The following PDZD2 variants were observed in gnomAD, a reference collection of about 807,000 sequenced individuals.
PDZD2 encodes PDZ domain-containing protein 2.
PDZD2 carries 90 observed loss-of-function variants against 220.7 expected under a neutral mutation model. The ratio of observed to expected loss-of-function variants is 0.41; its 90% CI spans 0.34 to 0.49. PDZD2 has a LOEUF of 0.49. Among genes scored for constraint, PDZD2 ranks in the 20% least tolerant of loss-of-function variants. The pLI is 0.28. For synonymous variants in PDZD2, 1,375 were observed against 1,450.5 expected, an observed-to-expected ratio of 0.95 and a Z score of 1.18; for missense variants, 3,174 against 3,608.5, an observed-to-expected ratio of 0.88 and a Z score of 3.08.
In PDZD2 at chr5:32,073,925, C is replaced by T; in HGVS notation, c.2819C>T (p.Ala940Val). 6.2e-7 allele frequency: 1 copy of T among 1,614,032 alleles called. No homozygotes were observed. Among genetic ancestry groups the T allele is most frequent in the Non-Finnish European group, 8.5e-7 (1 of 1,179,914 alleles). ...CTCTTCCACAAGCAGGTGACAGTTG[C>T]CAGACAAGCCAGTCTCCCCGGAAGC... ...SGLFHKQVTV[A>V]RQASLPGSPQ... Residue 940 changes from alanine (A) to valine (V), a missense_variant, in exon 18 of 25, where the codon GCC becomes GTC. Transcript: ENST00000438447.
chr5:31,961,088 T>C (rs1159110073), intron 2 of PDZD2, among the ~76,000 whole-genome samples: 1 of 152,234 alleles, frequency 6.6e-6, no homozygotes, highest in Non-Finnish European at 1.5e-5. Context: ...GGTCTGCTAT[T>C]GACTGCCTTA....
At chr5:31,779,735 G>C (rs1434043656) in intron 1 of PDZD2, among the ~76,000 whole-genome samples, 1 of 152,144 alleles carries the variant, frequency 6.6e-6, no homozygotes, top group Non-Finnish European at 1.5e-5. Context: ...TTAGCAATTT[G>C]TGGTAATGCC....
chr5:31,757,611 T>C (rs1426061084), intron 1 of PDZD2, among the ~76,000 whole-genome samples: 1 of 151,068 alleles, frequency 6.6e-6, no homozygotes, highest in Non-Finnish European at 1.5e-5. Context: ...AAAAAGAATA[T>C]GTGAATGGAA....
At chr5:31,869,192 C>T (rs547891501) in intron 2 of PDZD2, among the ~76,000 whole-genome samples, 1 of 152,288 alleles carries the variant, frequency 6.6e-6, no homozygotes, top group African/African-American at 2.4e-5. Context: ...AGGACAAATC[C>T]ATTTACTTCT....
chr5:31,693,931 CT>C (rs1407005888), intron 1 of PDZD2, among the ~76,000 whole-genome samples: 1 of 152,122 alleles, frequency 6.6e-6, no homozygotes, highest in Non-Finnish European at 1.5e-5. Flanking sequence ...GCTTCCCAGG[CT>C]GAGGAGGAGC....
intron 19 of PDZD2, among the ~76,000 whole-genome samples, chr5:32,082,380 A>C (rs1272454670): frequency 6.6e-6 from 1 of 152,100 alleles, no homozygotes; most frequent in African/African-American, 2.4e-5. Context: ...CAAAGAAGGA[A>C]TACCTTATCA....
chr5:31,657,205 T>G (rs1198882958), intron 1 of PDZD2: 1 of 152,286 alleles, frequency 6.6e-6, no homozygotes, highest in East Asian at 1.9e-4. Context: ...GCTGTTGATG[T>G]AGCCTATCTG....
chr5:31,858,113 A>G (rs1297425809), intron 2 of PDZD2, among the ~76,000 whole-genome samples: 2 of 152,010 alleles, frequency 1.3e-5, no homozygotes, highest in Non-Finnish European at 2.9e-5. Flanking sequence ...GGTGTGAGCC[A>G]CCGCACCTGG....
intron 22 of PDZD2, among the ~76,000 whole-genome samples, chr5:32,097,909 G>A (rs767736474): frequency 5.3e-5 from 8 of 152,060 alleles, no homozygotes; most frequent in Admixed American, 2.6e-4. Flanking sequence ...TCCATCCCCC[G>A]CACTGAATGT....
At chr5:31,684,844 GT>G (rs1355457109) in intron 1 of PDZD2, among the ~76,000 whole-genome samples, 1 of 152,150 alleles carries the variant, frequency 6.6e-6, no homozygotes, top group Non-Finnish European at 1.5e-5. Flanking sequence ...TGTTATGCTA[GT>G]TTTTAGGTCT....
At chr5:31,837,108 A>C (rs1020745116) in intron 2 of PDZD2, among the ~76,000 whole-genome samples, 1 of 152,202 alleles carries the variant, frequency 6.6e-6, no homozygotes, top group South Asian at 2.1e-4. Context: ...GAAGAAGAGG[A>C]AAGGTGTACT....
rs575242235 is a variant in PDZD2, at chr5:32,110,169, G to A, written c.*2034G>A. ...TTTTCGCCTCCACTCTTACAGCTGT[G>A]CCTAATAATAATTAATTAATAAACG... On this transcript the variant is annotated 3_prime_UTR_variant, in exon 25 of 25. Transcript: ENST00000438447. 1 of 152,632 alleles carries A rather than the reference G, an allele frequency of 6.6e-6. No individual in the cohort carries two copies. Among genetic ancestry groups the A allele is most frequent in the East Asian group, 1.9e-4 (1 of 5,186 alleles). 9.5% of individuals were successfully genotyped at this position (152,632 alleles called of 1,614,324 possible).
In PDZD2 at chr5:31,665,918, CATAAGGTG is replaced by C. The variant is rs1190879641; in HGVS notation, c.-361+26485_-361+26492del. Among the ~76,000 whole-genome samples the C allele has an allele frequency of 4.6e-5, 7 of 152,258 alleles. No individual in the cohort carries two copies. The East Asian group carries it at 9.7e-4, about 21-fold the overall frequency. On this transcript the variant is annotated intron_variant, in intron 1 of 24. Coordinates refer to ENST00000438447, the MANE Select transcript of PDZD2 (RefSeq NM_178140.4). ...CTAGAGAAAAGAGAGGCAGGGGAGC[CATAAGGTG>C]ATAGGGAAGTGAGGACGGGACCTCA...
chr5:32,010,505 C>G, intron 6 of PDZD2, 23 bp downstream of exon 6: 2 of 1,581,252 alleles, frequency 1.3e-6, no homozygotes, highest in Non-Finnish European at 1.7e-6. Context: ...GTGCTCCTGG[C>G]TTTCTGTTGG....
chr5:31,683,188 C>G (rs1378761532), intron 1 of PDZD2, among the ~76,000 whole-genome samples: 5 of 131,936 alleles, frequency 3.8e-5, no homozygotes, highest in Non-Finnish European at 7.8e-5. Context: ...GGTACAAAAT[C>G]TCAGTGAGAT....
chr5:31,643,416 G>A (rs1745020029), intron 1 of PDZD2, among the ~76,000 whole-genome samples: 2 of 152,200 alleles, frequency 1.3e-5, no homozygotes, highest in Admixed American at 1.3e-4. Flanking sequence ...CAAAGATCCA[G>A]TTACCAGGTG....
intron 1 of PDZD2, among the ~76,000 whole-genome samples, chr5:31,718,068 T>G (rs527324036): frequency 1.3e-5 from 2 of 152,324 alleles, no homozygotes; most frequent in African/African-American, 4.8e-5. Flanking sequence ...CATTCTTGCA[T>G]TAATGGAATT....
At chr5:31,742,581 A>G (rs1279166800) in intron 1 of PDZD2, among the ~76,000 whole-genome samples, 6 of 104,834 alleles carry the variant, frequency 5.7e-5, no homozygotes, top group African/African-American at 2.2e-4. Context: ...ACCCCAGGGG[A>G]TGGTGGTCTT....
At chr5:31,982,430 C>T (rs1750371774) in intron 2 of PDZD2, among the ~76,000 whole-genome samples, 1 of 152,180 alleles carries the variant, frequency 6.6e-6, no homozygotes, top group African/African-American at 2.4e-5. Context: ...ACCTCAGCCT[C>T]CCGAGTAGCT....
Sources: gnomAD v4.1 joint callset for allele counts (sites outside exome capture counted in the v4.1 genomes callset) on GRCh38, gnomAD v4.1.1 for gene constraint, MANE v1.5 for transcripts, NCBI Gene and HGNC (gene_info 2026-07-23, HGNC 2026-07-21) for gene names.